DPM2: variants seen among roughly 807,000 people sequenced by gnomAD.
DPM2 encodes the protein dolichol phosphate-mannose biosynthesis regulatory protein.
Under a neutral mutation model 12.1 loss-of-function variants are expected in DPM2, and 8 were observed. The ratio of observed to expected loss-of-function variants is 0.66; its 90% confidence interval spans 0.39 to 1.19. The LOEUF (loss-of-function observed/expected upper bound fraction) is 1.19, where lower values mean the gene tolerates loss of function less well. Among genes scored for constraint, DPM2 ranks in the 50% most tolerant of loss-of-function variants. DPM2 has a pLI of 0.01. For missense variants in DPM2, 93 were observed against 102.5 expected (o/e 0.91, Z 0.40); for synonymous variants, 38 against 44.7 (o/e 0.85, Z 0.60).
intron 1 of DPM2, 120 bp downstream of exon 1, chr9:127,937,698 C>T (rs1221194589): frequency 1.2e-5 from 17 of 1,383,756 alleles, no homozygotes; most frequent in East Asian, 1.1e-4. Flanking sequence ...CGTTGTCGTC[C>T]GTACAATAGT....
At chr9:127,937,081 GA>G in intron 2 of DPM2, 1 of 273,154 alleles carries the variant, frequency 3.7e-6, no homozygotes, top group Non-Finnish European at 6.8e-6. Flanking sequence ...TTTCCCACAA[GA>G]AAAAAATATC....
In DPM2 at chr9:127,937,419, G is replaced by A. The variant is rs1444519540; in HGVS notation, c.93+15C>T. The A allele has an allele frequency of 6.2e-7, 1 of 1,605,724 alleles. No homozygotes were observed. Among genetic ancestry groups the A allele is most frequent in the Admixed American group, 1.7e-5 (1 of 59,464 alleles). ...GCTCGGGGAAGGTGAGCAGCGGACG[G>A]GGAGAATGACATACCAAGAGAATCA... On this transcript the variant is annotated intron_variant, in intron 2 of 3. Transcript: ENST00000314392.
In DPM2 at chr9:127,935,286, T is replaced by C; in HGVS notation, c.*436A>G. The stretch of plus-strand genomic sequence containing the variant: ...CAGGTCCAGAAGGCTTTGTGGGGTC[T>C]GGGGCTGTGTCAGGGTAAGGAAAGC... On this transcript the variant is annotated 3_prime_UTR_variant, in exon 4 of 4. Coordinates refer to ENST00000314392, the MANE Select transcript of DPM2 (RefSeq NM_003863.4). 3 of 262,248 alleles carry C rather than the reference T, an allele frequency of 1.1e-5. 1 individual carries two copies. The highest frequency in any genetic ancestry group is 1.1e-4 in the South Asian group (3 of 26,288). 16.2% of individuals were successfully genotyped at this position (262,248 alleles called of 1,614,324 possible). A position where few individuals can be genotyped will look rare whatever the true frequency, so the allele number is the denominator to read the frequency against.
chr9:127,936,529 C>T, intron 3 of DPM2, 24 bp downstream of exon 3: 1 of 1,601,840 alleles, frequency 6.2e-7, no homozygotes, highest in South Asian at 1.1e-5. Context: ...TGCCCAGGGT[C>T]AAGGGGAGGA....
At chr9:127,937,579 T>A in intron 1 of DPM2, 56 bp from the exon 2 acceptor site, 1 of 1,478,414 alleles carries the variant, frequency 6.8e-7, no homozygotes, top group African/African-American at 1.4e-5. Context: ...GGCGCACTAA[T>A]GGAAGCGGGG....
rs1213958309 is a variant in DPM2, at chr9:127,935,713, G to A, written c.*9C>T. 6.2e-7 allele frequency: 1 copy of A among 1,613,228 alleles called. No individual in the cohort carries two copies. Among genetic ancestry groups the A allele is most frequent in the Non-Finnish European group, 8.5e-7 (1 of 1,179,280 alleles). On this transcript the variant is annotated 3_prime_UTR_variant, in exon 4 of 4. Transcript: ENST00000314392. ...AGAAGGGGCTGGCAGCCTCATCCCT[G>A]CGGGACCTTCACTGAGCCTTCTTGG...
intron 1 of DPM2, 27 bp downstream of exon 1, chr9:127,937,791 A>G: frequency 1.2e-6 from 2 of 1,611,046 alleles, no homozygotes; most frequent in Non-Finnish European, 1.7e-6. Flanking sequence ...AGACGCCCCT[A>G]TCTCCGGCAC....
chr9:127,936,448 T>A, intron 3 of DPM2, 105 bp downstream of exon 3: 2 of 1,608,928 alleles, frequency 1.2e-6, no homozygotes, highest in Non-Finnish European at 1.7e-6. Flanking sequence ...CACGGGTGAG[T>A]TCGGGGCAAG....
Position 127,937,809 on chromosome 9 carries a change from C to T in DPM2, c.3+9G>A, listed in dbSNP as rs770741188. The stretch of plus-strand genomic sequence containing the variant: ...CGCCCCTATCTCCGGCACACGGTGC[C>T]AATCTCACCATTTCCCCGCGCGCTC... On this transcript the variant is annotated intron_variant, in intron 1 of 3. Transcript: ENST00000314392. The T allele has an allele frequency of 5.0e-6, 8 of 1,608,826 alleles. No individual in the cohort carries two copies. In the South Asian group the frequency reaches 6.6e-5, roughly 13 times the overall value.
At chr9:127,935,917 C>T (rs576942443) in intron 3 of DPM2, 137 bp from the exon 4 acceptor site, 6 of 762,614 alleles carry the variant, frequency 7.9e-6, no homozygotes, top group African/African-American at 1.7e-5. Flanking sequence ...CTGCTTATCT[C>T]CCTAGTCATT....
rs529738837 is a variant in DPM2 at position 127,936,001 on chromosome 9, T to C, written c.197-221A>G. On this transcript the variant is annotated intron_variant, in intron 3 of 3. Coordinates refer to ENST00000314392, the MANE Select transcript of DPM2 (RefSeq NM_003863.4). ...TGCCTGCCTCAAGCAAGATGCTGCA[T>C]TTAGTGTTTCAGATTCCAAGGGGAA... 743 of 601,684 alleles carry C rather than the reference T, an allele frequency of 1.2e-3. 3 individuals are homozygous for C. Among genetic ancestry groups the C allele is most frequent in the Non-Finnish European group, 1.8e-3 (610 of 340,890 alleles). 37.3% of individuals were successfully genotyped at this position (601,684 alleles called of 1,614,324 possible). A position where few individuals can be genotyped will look rare whatever the true frequency, so the allele number is the denominator to read the frequency against.
chr9:127,937,780 C>T (rs1346758900), intron 1 of DPM2, 38 bp downstream of exon 1: 1 of 1,611,632 alleles, frequency 6.2e-7, no homozygotes, highest in Admixed American at 1.7e-5. Context: ...ACCCCACCCC[C>T]AGACGCCCCT....
rs397514503 is a variant in DPM2, at chr9:127,937,459, T to C, written c.68A>G (p.Tyr23Cys). The C allele has an allele frequency of 3.7e-6, 6 of 1,613,456 alleles. No individual in the cohort carries two copies. The highest frequency in any genetic ancestry group is 5.1e-6 in the Non-Finnish European group (6 of 1,179,702). Residue 23 changes from tyrosine to cysteine, a missense_variant, in exon 2 of 4, where the codon TAC (tyrosine) becomes TGC (cysteine). Physicochemically the swap from Tyr to Cys is radical, Grantham distance 194 (BLOSUM62 -2). Transcript: ENST00000314392. ...LVAVSLIIFTYYTAWVILLPF... is the reference protein window; with the variant it reads ...LVAVSLIIFTCYTAWVILLPF... ...CAAGAGAATCACCCAGGCGGTGTAG[T>C]AGGTGAAGATGATCAGGCTAACGGC...
In DPM2 at chr9:127,937,538, G is replaced by A. The variant is rs746722253; in HGVS notation, c.4-15C>T. On this transcript the variant is annotated splice_polypyrimidine_tract_variant and intron_variant, in intron 1 of 3. Transcript: ENST00000314392. ...GTCCCCGTGGCCTGGAGAAAAGGGA[G>A]GTCTCAGCTGACGAAGTGACCCTCT... The A allele has an allele frequency of 1.2e-6, 2 of 1,601,572 alleles. No individual in the cohort carries two copies. The highest frequency in any genetic ancestry group is 1.7e-6 in the Non-Finnish European group (2 of 1,172,448).
chr9:127,937,399 G>C (rs1421016451), intron 2 of DPM2, 35 bp downstream of exon 2: 1 of 1,565,120 alleles, frequency 6.4e-7, no homozygotes, highest in Non-Finnish European at 8.8e-7. Flanking sequence ...CCAGGGCTCG[G>C]GGAAGGTGAG....
At chr9:127,936,844 C>T (rs949483256) in intron 2 of DPM2, 189 bp from the exon 3 acceptor site, 2 of 505,664 alleles carry the variant, frequency 4.0e-6, no homozygotes, top group African/African-American at 2.0e-5. Context: ...TGGTATTTAC[C>T]GGGCACTTGC....
intron 3 of DPM2, chr9:127,936,276 T>G: frequency 2.1e-6 from 3 of 1,441,390 alleles, no homozygotes; most frequent in Non-Finnish European, 2.7e-6. Context: ...GGTGCAGGAA[T>G]TAGAAGCCAG....
At chr9:127,937,776 C>A (rs757487380) in intron 1 of DPM2, 42 bp downstream of exon 1, 27 of 1,610,318 alleles carry the variant, frequency 1.7e-5, no homozygotes, top group Admixed American at 6.7e-5. Flanking sequence ...CGGGACCCCA[C>A]CCCCAGACGC....
Position 127,937,445 on chromosome 9 carries a change from C to T in DPM2, c.82G>A (p.Val28Met), listed in dbSNP as rs1204651681. ...GGAGAATGACATACCAAGAGAATCA[C>T]CCAGGCGGTGTAGTAGGTGAAGATG... ...LIIFTYYTAW[V>M]ILLPFIDSQH... Residue 28 changes from valine to methionine, a missense_variant, in exon 2 of 4, where the codon GTG becomes ATG. By Grantham distance (21) the Val-to-Met change is conservative. Transcript: ENST00000314392. The T allele has an allele frequency of 2.5e-6, 4 of 1,613,176 alleles. No homozygotes were observed. The African/African-American group carries it at 4.0e-5, about 16-fold the overall frequency.
Sources: gnomAD v4.1 joint callset for allele counts on GRCh38, gnomAD v4.1.1 for gene constraint, MANE v1.5 for transcripts, NCBI Gene and HGNC (gene_info 2026-07-23, HGNC 2026-07-21) for gene names.